Variants in LIMS2 observed in about 807,000 individuals in gnomAD.
LIMS2 encodes LIM zinc finger domain containing 2, also known as LIM and senescent cell antigen-like-containing domain protein 2.
Under a neutral mutation model 45.3 loss-of-function variants are expected in LIMS2, and 30 were observed. The ratio of observed to expected loss-of-function variants is 0.66; its 90% CI spans 0.50 to 0.90. The LOEUF (loss-of-function observed/expected upper bound fraction) is 0.90, where lower values mean the gene tolerates loss of function less well. LIMS2 is among the 40% of genes least tolerant of loss of function. The pLI is 0.00. For missense variants in LIMS2, 485 were observed against 468.7 expected, an observed-to-expected ratio of 1.03 and a Z score of -0.32; for synonymous variants, 173 against 188.0, an observed-to-expected ratio of 0.92 and a Z score of 0.65.
At chr2:127,645,470 G>A (rs904706166) in intron 4 of LIMS2, among the ~76,000 whole-genome samples, 1 of 152,178 alleles carries the variant, frequency 6.6e-6, no homozygotes, top group Non-Finnish European at 1.5e-5. Flanking sequence ...AGCCACCCCA[G>A]GGAGGAGCCC....
chr2:127,655,946 T>G (rs975291506), intron 2 of LIMS2: 1 of 152,254 alleles, frequency 6.6e-6, no homozygotes, highest in Non-Finnish European at 1.5e-5. Flanking sequence ...AGGCAGGCCC[T>G]GCTGTGGGGC....
At chr2:127,674,644 G>C (rs1017345222) in intron 1 of LIMS2, 6 of 985,202 alleles carry the variant, frequency 6.1e-6, no homozygotes, top group Non-Finnish European at 7.2e-6. Flanking sequence ...CGCACAGCGC[G>C]GGCTCGGGGA....
intron 1 of LIMS2, among the ~76,000 whole-genome samples, chr2:127,668,182 A>G (rs1338578737): frequency 2.6e-5 from 4 of 152,224 alleles, no homozygotes; most frequent in Admixed American, 2.6e-4. Flanking sequence ...GAAGACCTAA[A>G]TAAAGATATC....
Position 127,654,492 on chromosome 2 carries a change from C to T in LIMS2, c.291G>A (p.Pro97=), listed in dbSNP as rs11900522. 1,593 of 1,614,128 alleles carry T rather than the reference C, an allele frequency of 9.9e-4. 12 individuals are homozygous for T. In the African/African-American group the frequency reaches 0.019, roughly 19 times the overall value. ...CACACAGCTCGCAGCGGAAGCAGCC[C>T]GGGTGCCAGTTGTTGTTCATGGCCT... ...VIKAMNNNWH[P]GCFRCELCDV... Residue 97 remains proline (P), a synonymous_variant, in exon 4 of 10, where the codon CCG becomes CCA. Transcript: ENST00000355119.
chr2:127,660,634 T>C (rs769077314), intron 1 of LIMS2, among the ~76,000 whole-genome samples: 8 of 151,988 alleles, frequency 5.3e-5, no homozygotes, highest in Non-Finnish European at 1.2e-4. Flanking sequence ...GTCTGAAGGA[T>C]CAAACTCCAG....
intron 1 of LIMS2, 51 bp from the exon 2 acceptor site, chr2:127,657,613 T>C: frequency 1.3e-6 from 2 of 1,538,490 alleles, no homozygotes; most frequent in Admixed American, 1.9e-5. Context: ...GGGGTGCAGA[T>C]GGGGCACACG....
upstream of LIMS2, among the ~76,000 whole-genome samples, chr2:127,675,654 C>T (rs1685479519): frequency 6.6e-6 from 1 of 152,180 alleles, no homozygotes; most frequent in African/African-American, 2.4e-5. Flanking sequence ...GTCCCTGGGC[C>T]GCCCCAACCG....
At chr2:127,676,507 G>A (rs757656198), upstream of LIMS2, among the ~76,000 whole-genome samples, 4 of 149,268 alleles carry the variant, frequency 2.7e-5, no homozygotes, top group South Asian at 2.1e-4. Flanking sequence ...CGCCTCCCAG[G>A]TTCAAGCGAT....
At chr2:127,644,835 G>A (rs758520873) in intron 4 of LIMS2, among the ~76,000 whole-genome samples, 7 of 152,130 alleles carry the variant, frequency 4.6e-5, no homozygotes, top group Non-Finnish European at 1.0e-4. Context: ...CCAGACAGCC[G>A]CCTGCGGGCA....
Position 127,664,320 on chromosome 2 carries a change from C to A in LIMS2, c.12-6758G>T, listed in dbSNP as rs1327799505. ...TGGCCACCTACCCCGTGGCTGGCGG[C>A]GGGCTCTGCCGGTGCTGGCGCCGCC... On this transcript the variant is annotated intron_variant, in intron 1 of 9. Transcript: ENST00000355119. This position sits in a 1 kb window ranked among gnomAD's most constrained non-coding sequence, Gnocchi z 5.5. The A allele has an allele frequency of 8.1e-7, 1 of 1,231,534 alleles. No homozygotes were observed. The highest frequency in any genetic ancestry group is 1.0e-6 in the Non-Finnish European group (1 of 988,114). The allele number at this position is 1,231,534 out of a possible 1,614,324, so 76.3% of individuals were successfully genotyped here.
chr2:127,641,959 G>A (rs1682455977), intron 6 of LIMS2, 90 bp downstream of exon 6: 9 of 1,433,468 alleles, frequency 6.3e-6, no homozygotes, highest in Non-Finnish European at 7.5e-6. Flanking sequence ...GCCCTGGGCT[G>A]GGAGTGTGGA....
intron 4 of LIMS2, chr2:127,649,797 G>A (rs891203643): frequency 2.5e-5 from 14 of 563,728 alleles, no homozygotes; most frequent in Non-Finnish European, 4.4e-5. Context: ...CTTCAAACGT[G>A]GGCAAGCCAC....
rs1033177870 is a variant in LIMS2 at position 127,664,333 on chromosome 2, T to G, written c.12-6771A>C. The stretch of plus-strand genomic sequence containing the variant: ...CGTGGCTGGCGGCGGGCTCTGCCGG[T>G]GCTGGCGCCGCCGGTACAGCCCCGA... On this transcript the variant is annotated intron_variant, in intron 1 of 9. Coordinates refer to ENST00000355119, the MANE Select transcript of LIMS2 (RefSeq NM_001161403.3). The surrounding 1 kb of genome is among the most constrained non-coding windows in gnomAD (Gnocchi z 5.5). 1.6e-6 allele frequency: 2 copies of G among 1,229,920 alleles called. No individual in the cohort carries two copies. Among genetic ancestry groups the G allele is most frequent in the African/African-American group, 1.6e-5 (1 of 63,898 alleles). 76.2% of individuals were successfully genotyped at this position (1,229,920 alleles called of 1,614,324 possible).
intron 6 of LIMS2, 165 bp downstream of exon 6, chr2:127,641,884 T>C: frequency 1.3e-6 from 1 of 772,070 alleles, no homozygotes. Flanking sequence ...CAGGCTGGGG[T>C]CCCTGGCTGA....
chr2:127,665,401 C>T (rs1684948779), intron 1 of LIMS2, among the ~76,000 whole-genome samples: 1 of 152,132 alleles, frequency 6.6e-6, no homozygotes, highest in Non-Finnish European at 1.5e-5. Context: ...AGATACCAGG[C>T]CCACACGCCA....
Position 127,640,255 on chromosome 2 carries a change from A to G in LIMS2, c.802+15T>C. Reference sequence around the variant, plus strand: ...GGAGAGCAGGTGGGGTGGGGGAGGGAACACAGGGCCTCACCATCGCCTTCA... The same window carrying G: ...GGAGAGCAGGTGGGGTGGGGGAGGGGACACAGGGCCTCACCATCGCCTTCA... On this transcript the variant is annotated intron_variant, in intron 8 of 9. Transcript: ENST00000355119. 1 of 1,613,142 alleles carries G rather than the reference A, an allele frequency of 6.2e-7. No individual in the cohort carries two copies. Among genetic ancestry groups the G allele is most frequent in the Non-Finnish European group, 8.5e-7 (1 of 1,179,924 alleles).
intron 1 of LIMS2, among the ~76,000 whole-genome samples, chr2:127,661,066 T>G (rs919841528): frequency 6.6e-6 from 1 of 152,150 alleles, no homozygotes; most frequent in African/African-American, 2.4e-5. Flanking sequence ...GACAGAAGCA[T>G]GCAGAGACAA....
In LIMS2 at chr2:127,647,208, T is replaced by C. The variant is rs1683082368; in HGVS notation, c.360-4136A>G. On this transcript the variant is annotated intron_variant, in intron 4 of 9. Transcript: ENST00000355119. The surrounding 1 kb of genome is among the most constrained non-coding windows in gnomAD (Gnocchi z 4.3). ...CAAGGGGCTGCACATTCTCATTTCA[T>C]ACATGGGCCCCTAAAATGAGGGAGT... is the stretch of plus-strand genomic sequence containing the variant. Among the ~76,000 whole-genome samples the C allele has an allele frequency of 6.6e-6, 1 of 152,160 alleles. No individual in the cohort carries two copies. Among genetic ancestry groups the C allele is most frequent in the Non-Finnish European group, 1.5e-5 (1 of 68,016 alleles).
At chr2:127,657,217 C>T (rs976044645) in intron 2 of LIMS2, among the ~76,000 whole-genome samples, 186 bp downstream of exon 2, 2 of 152,356 alleles carry the variant, frequency 1.3e-5, no homozygotes, top group South Asian at 4.1e-4. Context: ...GCACCCAGGG[C>T]ACCTGGGGTG....
Sources: allele counts gnomAD v4.1 joint callset (sites outside exome capture counted in the v4.1 genomes callset), GRCh38; gene constraint gnomAD v4.1.1; non-coding constraint Gnocchi (gnomAD v3.1); transcripts MANE v1.5; gene names NCBI Gene and HGNC (gene_info 2026-07-23, HGNC 2026-07-21).